Variants in IFT80 observed in about 807,000 individuals in gnomAD.
IFT80 encodes the protein intraflagellar transport protein 80 homolog.
IFT80 carries 79 observed loss-of-function variants against 107.9 expected under a neutral mutation model. The ratio of observed to expected loss-of-function variants is 0.73; its 90% CI spans 0.61 to 0.88. The LOEUF (loss-of-function observed/expected upper bound fraction) is 0.88. Ranked by LOEUF, IFT80 falls within the 40% of genes least tolerant of loss-of-function variation. The pLI is 0.00. For missense variants in IFT80, 797 were observed against 914.2 expected (o/e 0.87, Z 1.65); for synonymous variants, 299 against 300.9 (o/e 0.99, Z 0.07).
intron 12 of IFT80, among the ~76,000 whole-genome samples, chr3:160,294,741 C>T (rs997556107): frequency 1.3e-5 from 2 of 152,206 alleles, no homozygotes; most frequent in Admixed American, 6.5e-5. Context: ...TTGTCACAAA[C>T]ACTTGCTTTG....
At chr3:160,290,606 T>A (rs1715479970) in intron 12 of IFT80, among the ~76,000 whole-genome samples, 1 of 151,890 alleles carries the variant, frequency 6.6e-6, no homozygotes, top group African/African-American at 2.4e-5. Context: ...TTAGATGGAG[T>A]TTTTGCTCTT....
chr3:160,366,157 A>G lies in IFT80; in HGVS notation c.440-5T>C, dbSNP rs1379743907. ...CTACTGAATACACTGGTGTTCCTGTAAGATGAAAAAAGAAAAAAAAAAGGC... is the reference window on the plus strand; with the variant it reads ...CTACTGAATACACTGGTGTTCCTGTGAGATGAAAAAAGAAAAAAAAAAGGC... On this transcript the variant is annotated splice_polypyrimidine_tract_variant and splice_region_variant and intron_variant, in intron 5 of 19. Coordinates refer to ENST00000326448, the MANE Select transcript of IFT80 (RefSeq NM_020800.3). The G allele has an allele frequency of 1.9e-6, 3 of 1,584,116 alleles. No homozygotes were observed. The highest frequency in any genetic ancestry group is 2.6e-6 in the Non-Finnish European group (3 of 1,154,240).
intron 1 of IFT80, among the ~76,000 whole-genome samples, chr3:160,387,197 T>C (rs1476638339): frequency 3.3e-5 from 5 of 152,302 alleles, no homozygotes; most frequent in Non-Finnish European, 5.9e-5. Context: ...GATTTGCTGG[T>C]GAATTCAGTT....
intron 11 of IFT80, among the ~76,000 whole-genome samples, chr3:160,302,375 A>G (rs1207216040): frequency 6.6e-6 from 1 of 152,080 alleles, no homozygotes; most frequent in Admixed American, 6.5e-5. Context: ...GTATGGTCAT[A>G]CATATTGGTT....
At chr3:160,369,094 T>C (rs1222699182) in intron 5 of IFT80, among the ~76,000 whole-genome samples, 1 of 152,018 alleles carries the variant, frequency 6.6e-6, no homozygotes, top group African/African-American at 2.4e-5. Context: ...TTCTTCATAG[T>C]ATTTATCTTC....
intron 12 of IFT80, among the ~76,000 whole-genome samples, chr3:160,291,486 G>A (rs779436938): frequency 2.6e-5 from 4 of 152,144 alleles, no homozygotes; most frequent in Admixed American, 2.0e-4. Flanking sequence ...GTTGACACTC[G>A]GACAGTGGCC....
chr3:160,310,898 G>A (rs751420310), intron 9 of IFT80, among the ~76,000 whole-genome samples: 2 of 152,132 alleles, frequency 1.3e-5, no homozygotes, highest in Non-Finnish European at 2.9e-5. Context: ...CACTTTGGGT[G>A]GCTGAGGTGG....
rs149287710 is a variant in IFT80 at position 160,370,687 on chromosome 3, A to G, written c.440-4535T>C. ...ATTTTAGCCTTTACCTCTGAGCTCC[A>G]ACACATTTCTACTTGATCCAAAGAG... is the stretch of plus-strand genomic sequence containing the variant. On this transcript the variant is annotated intron_variant, in intron 5 of 19. Coordinates refer to ENST00000326448, the MANE Select transcript of IFT80 (RefSeq NM_020800.3). 8.4e-3 allele frequency among the ~76,000 whole-genome samples: 1,272 copies of G among 152,244 alleles called. 9 individuals are homozygous for G. Among genetic ancestry groups the G allele is most frequent in the Non-Finnish European group, 0.012 (787 of 67,998 alleles).
At chr3:160,271,337 G>C (rs1161421633) in intron 18 of IFT80, among the ~76,000 whole-genome samples, 2 of 152,084 alleles carry the variant, frequency 1.3e-5, no homozygotes, top group African/African-American at 2.4e-5. Flanking sequence ...ATTTTAAATA[G>C]AAGGAAGTTA....
intron 2 of IFT80, chr3:160,384,297 A>G: frequency 1.2e-6 from 1 of 836,076 alleles, no homozygotes; most frequent in South Asian, 5.1e-5. Flanking sequence ...GTAAACAAAA[A>G]CTGCTTTTTA....
intron 3 of IFT80, among the ~76,000 whole-genome samples, chr3:160,380,929 T>C (rs146143779): frequency 2.0e-5 from 3 of 152,008 alleles, no homozygotes; most frequent in East Asian, 1.9e-4. Flanking sequence ...ACTCAACTCA[T>C]AAGAGTACTA....
intron 1 of IFT80, among the ~76,000 whole-genome samples, chr3:160,393,751 G>C (rs971725087): frequency 1.3e-5 from 2 of 152,178 alleles, no homozygotes; most frequent in African/African-American, 4.8e-5. Context: ...AAAAATTTTA[G>C]ATGATAAACA....
At chr3:160,313,968 A>C (rs1717602969) in intron 9 of IFT80, among the ~76,000 whole-genome samples, 1 of 152,114 alleles carries the variant, frequency 6.6e-6, no homozygotes, top group Admixed American at 6.6e-5. Context: ...CTCCAGGATT[A>C]ATTTCCTGAT....
At chr3:160,320,441 T>A (rs1046530862) in intron 8 of IFT80, among the ~76,000 whole-genome samples, 1 of 151,792 alleles carries the variant, frequency 6.6e-6, no homozygotes, top group African/African-American at 2.4e-5. Flanking sequence ...CTTTTTTTTT[T>A]AACAGACTGC....
At chr3:160,368,151 AT>A (rs1481133225) in intron 5 of IFT80, among the ~76,000 whole-genome samples, 1 of 151,932 alleles carries the variant, frequency 6.6e-6, no homozygotes. Flanking sequence ...AATCAATAAA[AT>A]TTAATTGTTT....
chr3:160,266,162 G>GA (rs561088812), intron 19 of IFT80, among the ~76,000 whole-genome samples: 49 of 145,538 alleles, frequency 3.4e-4, no homozygotes, highest in African/African-American at 8.3e-4. Flanking sequence ...TTTCTGGATG[G>GA]AAAAAAAAAA....
At chr3:160,286,818 G>T (rs1320109507) in intron 12 of IFT80, among the ~76,000 whole-genome samples, 4 of 152,024 alleles carry the variant, frequency 2.6e-5, no homozygotes, top group Non-Finnish European at 5.9e-5. Context: ...ATGCTACTCT[G>T]GTACAATCAA....
intron 8 of IFT80, among the ~76,000 whole-genome samples, chr3:160,335,210 C>T (rs1425904991): frequency 6.6e-6 from 1 of 150,554 alleles, no homozygotes; most frequent in Non-Finnish European, 1.5e-5. Context: ...CTCGGTTCGG[C>T]AGAAAAATCC....
intron 2 of IFT80, among the ~76,000 whole-genome samples, chr3:160,382,633 G>A (rs899593896): frequency 5.3e-5 from 8 of 152,100 alleles, no homozygotes; most frequent in South Asian, 2.1e-4. Flanking sequence ...CTCTTGCTAC[G>A]TCTGGATTTC....
Sources: gnomAD v4.1 joint callset for allele counts (sites outside exome capture counted in the v4.1 genomes callset) on GRCh38, gnomAD v4.1.1 for gene constraint, MANE v1.5 for transcripts, NCBI Gene and HGNC (gene_info 2026-07-23, HGNC 2026-07-21) for gene names.